MICU3: variants seen among roughly 807,000 people sequenced by gnomAD.
The protein encoded by MICU3 is calcium uptake protein 3, mitochondrial.
In MICU3, 62 loss-of-function variants were observed where a neutral mutation model predicts 66.5. That is an observed-to-expected ratio of 0.93 (90% CI 0.76 to 1.15). The LOEUF is 1.15. Among genes scored for constraint, MICU3 ranks in the 50% most tolerant of loss-of-function variants. The pLI is 0.00. For missense variants in MICU3, 779 were observed against 664.4 expected, an observed-to-expected ratio of 1.17 and a Z score of -1.90; for synonymous variants, 308 against 240.7, an observed-to-expected ratio of 1.28 and a Z score of -2.59.
At chr8:17,097,214 C>G (rs1000135367) in intron 8 of MICU3, among the ~76,000 whole-genome samples, 6 of 151,668 alleles carry the variant, frequency 4.0e-5, no homozygotes, top group Non-Finnish European at 4.4e-5. Flanking sequence ...ATCATTTGAT[C>G]TAGCTAGTAT....
In MICU3 at chr8:17,090,571, C is replaced by A. The variant is rs886125078; in HGVS notation, c.875C>A (p.Ser292Tyr). ...CGTCTTCAACTTTATGGATACCATTCTCCTACTAATAGTGTATGTACAATA... is the reference window on the plus strand; with the variant it reads ...CGTCTTCAACTTTATGGATACCATTATCCTACTAATAGTGTATGTACAATA... Reference protein sequence around the residue: ...MLRLQLYGYHSPTNSVLKTDA... With the variant: ...MLRLQLYGYHYPTNSVLKTDA... Residue 292 changes from serine (S) to tyrosine (Y), a missense_variant, in exon 8 of 15, where the codon TCT (serine) becomes TAT (tyrosine). Ser to Tyr is a moderately radical substitution (Grantham distance 144, BLOSUM62 -2). Transcript: ENST00000318063. The A allele has an allele frequency of 1.2e-6, 2 of 1,610,280 alleles. No homozygotes were observed. Among genetic ancestry groups the A allele is most frequent in the African/African-American group, 2.7e-5 (2 of 74,662 alleles).
intron 1 of MICU3, among the ~76,000 whole-genome samples, chr8:17,029,317 A>C (rs1012963561): frequency 2.0e-5 from 3 of 152,190 alleles, no homozygotes; most frequent in Admixed American, 6.5e-5. Context: ...CTCTACTAAA[A>C]ATACAAAAAT....
the MICU3 span, among the ~76,000 whole-genome samples, chr8:17,135,500 T>C: frequency 6.6e-6 from 1 of 152,106 alleles, no homozygotes; most frequent in Non-Finnish European, 1.5e-5. Context: ...ACTGAACTCT[T>C]GGTAGTACTG....
At chr8:17,090,825 G>C in intron 8 of MICU3, 1 of 341,730 alleles carries the variant, frequency 2.9e-6, no homozygotes, top group Non-Finnish European at 5.2e-6. Context: ...GAAAAGGTAA[G>C]TGTACAACAA....
intron 7 of MICU3, among the ~76,000 whole-genome samples, chr8:17,090,264 C>T (rs1428056023): frequency 2.6e-5 from 4 of 152,028 alleles, no homozygotes; most frequent in Admixed American, 2.0e-4. Flanking sequence ...TTCAGGACAA[C>T]GTGTTTTACT....
intron 1 of MICU3, among the ~76,000 whole-genome samples, chr8:17,034,366 A>T (rs559476901): frequency 3.3e-5 from 5 of 152,360 alleles, no homozygotes; most frequent in Middle Eastern, 3.4e-3. Flanking sequence ...CAGTGTTTTT[A>T]TGTCTGCTAA....
At chr8:17,096,006 C>T (rs930311237) in intron 8 of MICU3, among the ~76,000 whole-genome samples, 1 of 151,978 alleles carries the variant, frequency 6.6e-6, no homozygotes. Context: ...GTGCCTTTCA[C>T]TTGTGAAGTT....
the MICU3 span, among the ~76,000 whole-genome samples, chr8:17,137,776 G>A: frequency 1.4e-4 from 20 of 140,234 alleles, no homozygotes; most frequent in Non-Finnish European, 9.2e-5. Context: ...GAATGCAGTG[G>A]CACAATCTCG....
intron 1 of MICU3, among the ~76,000 whole-genome samples, chr8:17,053,455 A>G (rs1816427598): frequency 6.6e-6 from 1 of 152,134 alleles, no homozygotes; most frequent in Admixed American, 6.5e-5. Context: ...ATAATGATGT[A>G]CTCTGTTGCC....
chr8:17,116,406 T>C, intron 12 of MICU3, 37 bp from the exon 13 acceptor site: 4 of 1,296,450 alleles, frequency 3.1e-6, no homozygotes, highest in Non-Finnish European at 3.0e-6. Flanking sequence ...ATAAAAATAA[T>C]AACAGTCTAT....
At chr8:17,034,187 A>G (rs1812573548) in intron 1 of MICU3, among the ~76,000 whole-genome samples, 1 of 152,178 alleles carries the variant, frequency 6.6e-6, no homozygotes, top group South Asian at 2.1e-4. Flanking sequence ...TGTTAGGGGG[A>G]CTGCAAAGCT....
At chr8:17,071,866 T>C (rs1178846336) in intron 3 of MICU3, among the ~76,000 whole-genome samples, 3 of 152,062 alleles carry the variant, frequency 2.0e-5, no homozygotes, top group South Asian at 4.1e-4. Context: ...TAACAGAAGA[T>C]GTACAAAACA....
At chr8:17,088,108 G>T (rs770877712) in intron 7 of MICU3, among the ~76,000 whole-genome samples, 1 of 151,880 alleles carries the variant, frequency 6.6e-6, no homozygotes. Context: ...TGAAGTGTAC[G>T]TTTATATTTA....
chr8:17,065,472 G>A (rs1818537008), intron 2 of MICU3, among the ~76,000 whole-genome samples: 1 of 152,128 alleles, frequency 6.6e-6, no homozygotes, highest in Non-Finnish European at 1.5e-5. Context: ...TGAGAATATA[G>A]ATAACCAAAG....
At chr8:17,063,847 A>G (rs1004336155) in intron 1 of MICU3, among the ~76,000 whole-genome samples, 19 of 152,294 alleles carry the variant, frequency 1.2e-4, no homozygotes, top group African/African-American at 3.8e-4. Flanking sequence ...CACTTCTCCA[A>G]AGTGCCAGTT....
chr8:17,116,670 G>A (rs1480765872), intron 13 of MICU3, 70 bp downstream of exon 13: 1 of 1,135,462 alleles, frequency 8.8e-7, no homozygotes, highest in Non-Finnish European at 1.2e-6. Context: ...CATCTAAGTT[G>A]AGAAATAATT....
intron 1 of MICU3, among the ~76,000 whole-genome samples, chr8:17,031,288 T>TATTATTATTATTATTATG (rs1812018051): frequency 6.8e-6 from 1 of 148,006 alleles, no homozygotes; most frequent in Non-Finnish European, 1.5e-5. Flanking sequence ...TTATTATTAT[T>TATTATTATTATTATTATG]ATTATTATTA....
At chr8:17,130,027 T>A in the MICU3 span, among the ~76,000 whole-genome samples, 1 of 152,098 alleles carries the variant, frequency 6.6e-6, no homozygotes, top group Non-Finnish European at 1.5e-5. Flanking sequence ...TCTTTTAAAA[T>A]AATGGTTATA....
Position 17,118,732 on chromosome 8 carries a change from C to G in MICU3, c.1550C>G (p.Pro517Arg). 6.2e-7 allele frequency: 1 copy of G among 1,612,396 alleles called. No individual in the cohort carries two copies. The highest frequency in any genetic ancestry group is 1.3e-5 in the African/African-American group (1 of 75,006). Reference protein sequence around the residue: ...FRGYKTVQKYPTFKSCLKKEL... With the variant: ...FRGYKTVQKYRTFKSCLKKEL... The stretch of plus-strand genomic sequence containing the variant: ...GGTTATAAAACAGTCCAGAAGTACC[C>G]CACTTTCAAATCCTGCCTGAAGAAA... Residue 517 changes from proline (P) to arginine (R), a missense_variant, in exon 14 of 15, where the codon CCC becomes CGC. By Grantham distance (103) the Pro-to-Arg change is moderately radical. Transcript: ENST00000318063.
Sources: allele counts gnomAD v4.1 joint callset (sites outside exome capture counted in the v4.1 genomes callset), GRCh38; gene constraint gnomAD v4.1.1; transcripts MANE v1.5; gene names NCBI Gene and HGNC (gene_info 2026-07-23, HGNC 2026-07-21).